Variants in RNF135 observed in about 807,000 individuals in gnomAD.
RNF135 encodes the protein E3 ubiquitin-protein ligase RNF135.
Under a neutral mutation model 41.9 loss-of-function variants are expected in RNF135, and 46 were observed. The ratio of observed to expected loss-of-function variants is 1.10; its 90% CI spans 0.87 to 1.40. RNF135 has a LOEUF of 1.40. RNF135 is among the 40% of genes most tolerant of loss of function. The pLI is 0.00. For synonymous variants in RNF135, 238 were observed against 223.8 expected, an observed-to-expected ratio of 1.06 and a Z score of -0.57; for missense variants, 539 against 549.8, an observed-to-expected ratio of 0.98 and a Z score of 0.20.
At position 30,971,318 on chromosome 17, in the gene RNF135, C is replaced by A. The variant is rs1290097626; in HGVS notation, c.245C>A (p.Ala82Asp). The A allele has an allele frequency of 2.0e-6, 3 of 1,533,668 alleles. No individual in the cohort carries two copies. Among genetic ancestry groups the A allele is most frequent in the African/African-American group, 2.8e-5 (2 of 70,526 alleles). ...LRKNTLLQDLADKYRRAAREI... is the reference protein window; with the variant it reads ...LRKNTLLQDLDDKYRRAAREI... ...AAGAACACGCTACTGCAGGACCTGG[C>A]CGACAAGTACCGCCGCGCCGCACGC... The change falls in exon 1 of 5, where the codon GCC becomes GAC. Residue 82 changes from alanine (A) to aspartate (D), a missense_variant. Ala to Asp is a moderately radical substitution (Grantham distance 126, BLOSUM62 -2). Transcript: ENST00000328381.
upstream of RNF135, among the ~76,000 whole-genome samples, chr17:30,969,979 G>A (rs1451840021): frequency 1.3e-5 from 2 of 151,912 alleles, no homozygotes; most frequent in African/African-American, 4.8e-5. Context: ...GGTTCACCAT[G>A]TTGGCCAGGC....
intron 3 of RNF135, among the ~76,000 whole-genome samples, chr17:30,993,228 T>C (rs958960998): frequency 9.2e-5 from 14 of 152,056 alleles, no homozygotes; most frequent in Non-Finnish European, 4.4e-5. Flanking sequence ...ATCTGGATAC[T>C]TTTTGTATTT....
chr17:30,976,187 G>A (rs1906443498), intron 1 of RNF135, among the ~76,000 whole-genome samples: 1 of 152,088 alleles, frequency 6.6e-6, no homozygotes. Context: ...TGTATTTTTA[G>A]TAGAGACGGG....
intron 1 of RNF135, 40 bp downstream of exon 1, chr17:30,971,485 G>A (rs1905941886): frequency 6.9e-7 from 1 of 1,454,556 alleles, no homozygotes; most frequent in Non-Finnish European, 9.0e-7. Flanking sequence ...GCTCCCCCGG[G>A]CTGCCCGCCG....
At chr17:30,970,956 A>G, upstream of RNF135, 1 of 1,388,738 alleles carries the variant, frequency 7.2e-7, no homozygotes, top group Non-Finnish European at 9.8e-7. Context: ...CCAAGGAAGG[A>G]GGAGAAAAGG....
chr17:30,983,341 ATATATATATATATT>A lies in RNF135; in HGVS notation c.373-1274_373-1261del, dbSNP rs1467046431. On this transcript the variant is annotated intron_variant, in intron 1 of 4. Transcript: ENST00000328381. ...TGTACATATATATATATATATATAT[ATATATATATATATT>A]TTTTTTTTTTTTTTTTGAGATGGAG... Among the ~76,000 whole-genome samples the A allele has an allele frequency of 4.1e-3, 129 of 31,756 alleles. 1 individual carries two copies. Among genetic ancestry groups the A allele is most frequent in the African/African-American group, 0.012 (114 of 9,518 alleles). The allele number at this position is 31,756 out of a possible 152,430, so 20.8% of individuals were successfully genotyped here. A position where few individuals can be genotyped will look rare whatever the true frequency, so the allele number is the denominator to read the frequency against.
intron 3 of RNF135, 114 bp downstream of exon 3, chr17:30,988,220 C>T (rs1907729489): frequency 9.7e-7 from 1 of 1,027,304 alleles, no homozygotes; most frequent in South Asian, 1.3e-5. Flanking sequence ...GCTGTATTAC[C>T]ACTGTGGTGT....
At chr17:30,971,480 C>A in intron 1 of RNF135, 35 bp downstream of exon 1, 3 of 1,458,116 alleles carry the variant, frequency 2.1e-6, no homozygotes, top group Non-Finnish European at 2.7e-6. Context: ...CCCTGGCTCC[C>A]CCGGGCTGCC....
intron 1 of RNF135, among the ~76,000 whole-genome samples, chr17:30,973,498 C>T (rs868135654): frequency 1.3e-5 from 2 of 150,696 alleles, no homozygotes; most frequent in Admixed American, 6.6e-5. Flanking sequence ...AACGAGGTCT[C>T]GCTCCTTTCC....
chr17:30,963,093 CTTTTTT>C, the RNF135 span, among the ~76,000 whole-genome samples: 1 of 99,388 alleles, frequency 1.0e-5, no homozygotes, highest in Non-Finnish European at 1.9e-5. Flanking sequence ...GATTCCCTAG[CTTTTTT>C]TTTTTTTTTT....
chr17:30,979,803 G>A (rs1205032048), intron 1 of RNF135, among the ~76,000 whole-genome samples: 7 of 126,324 alleles, frequency 5.5e-5, no homozygotes, highest in African/African-American at 2.1e-4. Flanking sequence ...CTGGCCGGGC[G>A]GGGGGCTGAC....
chr17:30,962,497 G>T, the RNF135 span, among the ~76,000 whole-genome samples: 1 of 149,914 alleles, frequency 6.7e-6, no homozygotes, highest in East Asian at 2.0e-4. Context: ...ATGGAGTCTC[G>T]CTCTGTTGCC....
At chr17:30,989,040 G>A (rs1292285506) in intron 3 of RNF135, among the ~76,000 whole-genome samples, 2 of 146,508 alleles carry the variant, frequency 1.4e-5, no homozygotes, top group East Asian at 4.3e-4. Context: ...GATTACAGGC[G>A]TGAGCCACTG....
intron 1 of RNF135, among the ~76,000 whole-genome samples, chr17:30,979,723 A>C (rs1291100586): frequency 5.7e-3 from 173 of 30,436 alleles, no homozygotes; most frequent in Admixed American, 6.8e-3. Context: ...GACCCCCCCC[A>C]CCTCCCTCCC....
At chr17:30,994,063 C>T (rs574839880) in intron 3 of RNF135, among the ~76,000 whole-genome samples, 61 of 152,288 alleles carry the variant, frequency 4.0e-4, no homozygotes, top group African/African-American at 1.3e-3. Context: ...CCTCAACCTC[C>T]CAAAGTTGTT....
Position 30,999,468 on chromosome 17 carries a change from T to A in RNF135, c.*277T>A. ...TGTGTGATACAGGATGAACTTGGGATGTTTGAACCCTGGACATTCCAAATA... is the reference window on the plus strand; with the variant it reads ...TGTGTGATACAGGATGAACTTGGGAAGTTTGAACCCTGGACATTCCAAATA... On this transcript the variant is annotated 3_prime_UTR_variant, in exon 5 of 5. Coordinates refer to ENST00000328381, the MANE Select transcript of RNF135 (RefSeq NM_032322.4). 1 of 454,960 alleles carries A rather than the reference T, an allele frequency of 2.2e-6. No homozygotes were observed. Among genetic ancestry groups the A allele is most frequent in the Non-Finnish European group, 4.1e-6 (1 of 245,744 alleles). 28.2% of individuals were successfully genotyped at this position (454,960 alleles called of 1,614,324 possible).
intron 1 of RNF135, 178 bp downstream of exon 1, chr17:30,971,623 A>G: frequency 7.4e-7 from 1 of 1,354,216 alleles, no homozygotes; most frequent in African/African-American, 1.5e-5. Context: ...AGTATGAAGA[A>G]GTAGAAAAAA....
rs544834751 is a variant in RNF135, at chr17:30,996,394, C to T, written c.680-848C>T. 1.2e-4 allele frequency among the ~76,000 whole-genome samples: 19 copies of T among 152,210 alleles called. No individual in the cohort carries two copies. The South Asian group carries it at 2.5e-3, about 20-fold the overall frequency. On this transcript the variant is annotated intron_variant, in intron 3 of 4. Transcript: ENST00000328381. ...TGAACCACTGCGCCCAGGCAGTATT[C>T]GTTACTTTTTAAGGCTAAATAATAT...
chr17:30,991,962 C>T (rs373386271), intron 3 of RNF135, among the ~76,000 whole-genome samples: 8 of 135,024 alleles, frequency 5.9e-5, no homozygotes, highest in Non-Finnish European at 7.9e-5. Context: ...GAAGCAGTTT[C>T]GTTCTTGTTG....
Sources: gnomAD v4.1 joint callset for allele counts (sites outside exome capture counted in the v4.1 genomes callset) on GRCh38, gnomAD v4.1.1 for gene constraint, MANE v1.5 for transcripts, NCBI Gene and HGNC (gene_info 2026-07-23, HGNC 2026-07-21) for gene names.